Variants in ILRUN observed in about 807,000 individuals in gnomAD.
The protein encoded by ILRUN is protein ILRUN.
ILRUN carries 3 observed loss-of-function variants against 33.8 expected under a neutral mutation model. The observed-to-expected ratio is 0.09, with a 90% CI of 0.04 to 0.23. ILRUN has a LOEUF of 0.23. ILRUN is among the 10% of genes least tolerant of loss of function. ILRUN has a pLI of 1.00. For missense variants in ILRUN, 210 were observed against 375.1 expected, an observed-to-expected ratio of 0.56 and a Z score of 3.64; for synonymous variants, 124 against 138.9, an observed-to-expected ratio of 0.89 and a Z score of 0.75.
intron 1 of ILRUN, among the ~76,000 whole-genome samples, chr6:34,661,994 G>A (rs572004152): frequency 2.0e-4 from 30 of 150,156 alleles, no homozygotes; most frequent in African/African-American, 5.1e-4. Context: ...GCGTGGTGGC[G>A]GGCGCCTGTA....
At chr6:34,669,815 C>G (rs1763079087) in intron 1 of ILRUN, among the ~76,000 whole-genome samples, 1 of 151,924 alleles carries the variant, frequency 6.6e-6, no homozygotes, top group African/African-American at 2.4e-5. Flanking sequence ...TATGCTAAAG[C>G]ACAAATGAAC....
chr6:34,680,525 C>T (rs769576213), intron 1 of ILRUN, among the ~76,000 whole-genome samples: 1 of 151,916 alleles, frequency 6.6e-6, no homozygotes, highest in Non-Finnish European at 1.5e-5. Context: ...AGTGCAGTGG[C>T]GCCATCTCGG....
At chr6:34,690,933 G>A (rs1406342882) in intron 1 of ILRUN, among the ~76,000 whole-genome samples, 1 of 152,182 alleles carries the variant, frequency 6.6e-6, no homozygotes, top group African/African-American at 2.4e-5. Context: ...AAACTAGGCT[G>A]GAGTGCAGTG....
At chr6:34,670,844 C>CAAAAAAAAAA (rs201024054) in intron 1 of ILRUN, among the ~76,000 whole-genome samples, 1 of 58,560 alleles carries the variant, frequency 1.7e-5, no homozygotes, top group African/African-American at 6.6e-5. Context: ...GACCCTGTCT[C>CAAAAAAAAAA]AAAAAAAAAA....
At chr6:34,642,096 A>G (rs1240036306) in intron 3 of ILRUN, among the ~76,000 whole-genome samples, 2 of 152,198 alleles carry the variant, frequency 1.3e-5, no homozygotes, top group Admixed American at 1.3e-4. Flanking sequence ...TGAATCCACT[A>G]TGGAAGATCA....
chr6:34,590,611 G>C lies in ILRUN; in HGVS notation c.862-11C>G. 1.3e-6 allele frequency: 2 copies of C among 1,579,368 alleles called. No homozygotes were observed. The highest frequency in any genetic ancestry group is 1.7e-6 in the Non-Finnish European group (2 of 1,148,242). ...AGGCCCATGGAGCCCCTGGAAGAGA[G>C]TGAAGATAGTCAGTGATGGTACACA... On this transcript the variant is annotated splice_polypyrimidine_tract_variant and intron_variant, in intron 4 of 4. Coordinates refer to ENST00000374023, the MANE Select transcript of ILRUN (RefSeq NM_024294.4).
At position 34,588,364 on chromosome 6, in the gene ILRUN, G is replaced by C; in HGVS notation, c.*2201C>G. On this transcript the variant is annotated 3_prime_UTR_variant, in exon 5 of 5. Coordinates refer to ENST00000374023, the MANE Select transcript of ILRUN (RefSeq NM_024294.4). ...GAAGCCCCTGCTGGGAAACTGGGAA[G>C]GGGCACCCAGTGTTGGGCAGAAGAG... 2 of 397,572 alleles carry C rather than the reference G, an allele frequency of 5.0e-6. No individual in the cohort carries two copies. Among genetic ancestry groups the C allele is most frequent in the Non-Finnish European group, 8.9e-6 (2 of 225,936 alleles). 24.6% of individuals were successfully genotyped at this position (397,572 alleles called of 1,614,324 possible).
rs560096530 is a variant in ILRUN, at chr6:34,680,675, A to T, written c.158+15771T>A. On this transcript the variant is annotated intron_variant, in intron 1 of 4. Transcript: ENST00000374023. ...ACCACGTTGGCCAGGCTGGTCTCGA[A>T]CTCCTGACCTCAAGTGATCTGCCTG... Among the ~76,000 whole-genome samples, 8 of 151,954 alleles carry T rather than the reference A, an allele frequency of 5.3e-5. No individual in the cohort carries two copies. The East Asian group carries it at 1.5e-3, about 29-fold the overall frequency.
chr6:34,682,263 T>TTGTTTTGTTTTG (rs1554189585), intron 1 of ILRUN, among the ~76,000 whole-genome samples: 14,913 of 124,926 alleles, frequency 0.12, 1,437 homozygotes, highest in African/African-American at 0.25. Context: ...TTTTTTTTTT[T>TTGTTTTGTTTTG]TTTTTTTTTT....
chr6:34,669,420 T>C (rs996711129), intron 1 of ILRUN, among the ~76,000 whole-genome samples: 1 of 151,788 alleles, frequency 6.6e-6, no homozygotes, highest in African/African-American at 2.4e-5. Context: ...TGAGCCACCA[T>C]GCCCAGCCTG....
intron 3 of ILRUN, among the ~76,000 whole-genome samples, chr6:34,609,788 A>G (rs1332297633): frequency 1.3e-5 from 2 of 152,218 alleles, no homozygotes; most frequent in Non-Finnish European, 2.9e-5. Flanking sequence ...TCCTCTAAGA[A>G]GAGGAAATTA....
chr6:34,661,711 C>T (rs1219410967), intron 1 of ILRUN, among the ~76,000 whole-genome samples: 1 of 152,108 alleles, frequency 6.6e-6, no homozygotes, highest in Non-Finnish European at 1.5e-5. Context: ...TAAAGAAACC[C>T]TTTTATCATT....
intron 4 of ILRUN, among the ~76,000 whole-genome samples, chr6:34,606,241 T>C (rs1402272496): frequency 6.6e-6 from 1 of 152,132 alleles, no homozygotes; most frequent in Non-Finnish European, 1.5e-5. Flanking sequence ...TTAGAATAAA[T>C]AATTGAGCAA....
chr6:34,676,119 T>C (rs1021124629), intron 1 of ILRUN, among the ~76,000 whole-genome samples: 2 of 151,898 alleles, frequency 1.3e-5, no homozygotes, highest in African/African-American at 4.8e-5. Flanking sequence ...TTGAGAACAG[T>C]ATATATAGAG....
chr6:34,674,050 C>A (rs569099382), intron 1 of ILRUN, among the ~76,000 whole-genome samples: 1 of 151,730 alleles, frequency 6.6e-6, no homozygotes, highest in African/African-American at 2.4e-5. Flanking sequence ...TTTTTTGAAA[C>A]GGAGTCTTGC....
chr6:34,679,862 A>T (rs1417761238), intron 1 of ILRUN, among the ~76,000 whole-genome samples: 1 of 152,268 alleles, frequency 6.6e-6, no homozygotes, highest in African/African-American at 2.4e-5. Flanking sequence ...CTAGAGTGAT[A>T]CAGCTACAAG....
intron 3 of ILRUN, among the ~76,000 whole-genome samples, chr6:34,640,354 G>A (rs1762444874): frequency 6.6e-6 from 1 of 151,968 alleles, no homozygotes; most frequent in African/African-American, 2.4e-5. Context: ...GTAACTGACT[G>A]AATACAGCAA....
chr6:34,601,901 G>T (rs954247741), intron 4 of ILRUN, among the ~76,000 whole-genome samples: 25 of 152,062 alleles, frequency 1.6e-4, no homozygotes, highest in African/African-American at 5.8e-4. Flanking sequence ...GTGGGGGTGG[G>T]GGAAGAGAAT....
At chr6:34,689,469 T>C (rs1259354109) in intron 1 of ILRUN, among the ~76,000 whole-genome samples, 1 of 152,182 alleles carries the variant, frequency 6.6e-6, no homozygotes, top group Non-Finnish European at 1.5e-5. Context: ...AAAAATGTAA[T>C]AGAGTACATA....
Sources: gnomAD v4.1 joint callset for allele counts (sites outside exome capture counted in the v4.1 genomes callset) on GRCh38, gnomAD v4.1.1 for gene constraint, MANE v1.5 for transcripts, NCBI Gene and HGNC (gene_info 2026-07-23, HGNC 2026-07-21) for gene names.